The following EFCAB8 variants were observed in gnomAD, a reference collection of about 807,000 sequenced individuals.
The protein encoded by EFCAB8 is EF-hand calcium-binding domain-containing protein 8.
A neutral mutation model predicts 116.3 loss-of-function variants in EFCAB8; 100 were observed. The ratio of observed to expected loss-of-function variants is 0.86; its 90% CI spans 0.73 to 1.02. The LOEUF is 1.02. Ranked by LOEUF, EFCAB8 falls within the 50% of genes least tolerant of loss-of-function variation. The pLI, the probability that EFCAB8 is intolerant of heterozygous loss-of-function variation, is 0.00. For missense variants in EFCAB8, 1,320 were observed against 1,416.9 expected (o/e 0.93, Z 1.10); for synonymous variants, 558 against 567.9 (o/e 0.98, Z 0.25).
chr20:32,925,526 G>A (rs544707725), intron 20 of EFCAB8, among the ~76,000 whole-genome samples: 22 of 152,164 alleles, frequency 1.4e-4, no homozygotes, highest in African/African-American at 5.1e-4. Context: ...GCTAATTTTG[G>A]GTTTTTAGTG....
At chr20:32,948,472 A>T (rs1017895397) in intron 23 of EFCAB8, among the ~76,000 whole-genome samples, 2 of 151,636 alleles carry the variant, frequency 1.3e-5, no homozygotes, top group African/African-American at 4.8e-5. Flanking sequence ...TTCCCAACTC[A>T]TGAGGCAACT....
rs553218586 is a variant in EFCAB8 at position 32,893,399 on chromosome 20, T to C, written c.883+101T>C. The C allele has an allele frequency of 9.5e-6, 14 of 1,474,092 alleles. No homozygotes were observed. The East Asian group carries it at 2.7e-4, about 29-fold the overall frequency. The allele number at this position is 1,474,092 out of a possible 1,614,324, so 91.3% of individuals were successfully genotyped here. Reference sequence around the variant, plus strand: ...CGAGCCCCCCACTCCCTGCCTCTGCTCTGGAGTCTCTGGGAAGGCGTCTGC... The same window carrying C: ...CGAGCCCCCCACTCCCTGCCTCTGCCCTGGAGTCTCTGGGAAGGCGTCTGC... On this transcript the variant is annotated intron_variant, in intron 9 of 26. Coordinates refer to ENST00000400522, the MANE Select transcript of EFCAB8 (RefSeq NM_001143967.2).
intron 22 of EFCAB8, among the ~76,000 whole-genome samples, chr20:32,935,188 CT>C (rs754022404): frequency 0.011 from 720 of 66,852 alleles, 12 homozygotes; most frequent in South Asian, 0.016. Context: ...TTCTTTCTTT[CT>C]TTCTTTTTTT....
chr20:32,872,320 G>C (rs141076174), intron 3 of EFCAB8, among the ~76,000 whole-genome samples: 1 of 152,224 alleles, frequency 6.6e-6, no homozygotes, highest in East Asian at 1.9e-4. Context: ...GGGTGCATAA[G>C]GCACAGAGAA....
At chr20:32,885,317 TTGA>T (rs1284820094) in intron 5 of EFCAB8, among the ~76,000 whole-genome samples, 185 bp from the exon 6 acceptor site, 1 of 152,224 alleles carries the variant, frequency 6.6e-6, no homozygotes, top group Non-Finnish European at 1.5e-5. Flanking sequence ...TTGGCCACTG[TTGA>T]TGATCCAGTA....
At chr20:32,939,187 CTTTCTTTCTTTCTTTCCTCTCTCTCTCT>C (rs1988288413) in intron 22 of EFCAB8, among the ~76,000 whole-genome samples, 5 of 67,608 alleles carry the variant, frequency 7.4e-5, no homozygotes, top group Non-Finnish European at 1.4e-4. Flanking sequence ...TTCTTTCTTT[CTTTCTTTCTTTCTTTCCTCTCTCTCTCT>C]CTCTCTCTCT....
At chr20:32,938,359 G>C (rs1988203332) in intron 22 of EFCAB8, among the ~76,000 whole-genome samples, 1 of 149,858 alleles carries the variant, frequency 6.7e-6, no homozygotes, top group African/African-American at 2.5e-5. Flanking sequence ...AAAACTTCAT[G>C]TTGAAATATT....
At chr20:32,929,525 T>G in intron 20 of EFCAB8, among the ~76,000 whole-genome samples, 1 of 126,216 alleles carries the variant, frequency 7.9e-6, no homozygotes, top group Non-Finnish European at 1.7e-5. Context: ...TTTCTTTAAA[T>G]AGAGATAGGG....
chr20:32,917,389 C>A lies in EFCAB8; in HGVS notation c.1945C>A (p.Gln649Lys). The change falls in exon 18 of 27, where the codon CAG becomes AAG. Residue 649 changes from glutamine (Q) to lysine (K), a missense_variant. Coordinates refer to ENST00000400522, the MANE Select transcript of EFCAB8 (RefSeq NM_001143967.2). ...DILSMAKYRN[Q>K]FLGTSSYSGD... ...CCTGAGCATGGCCAAGTACCGGAAC[C>A]AGTTCCTTGGGACCTCCTCCTACAG... The A allele has an allele frequency of 6.4e-7, 1 of 1,551,902 alleles. No homozygotes were observed. The highest frequency in any genetic ancestry group is 8.7e-7 in the Non-Finnish European group (1 of 1,147,016).
intron 19 of EFCAB8, among the ~76,000 whole-genome samples, chr20:32,919,484 C>T (rs544276860): frequency 2.0e-5 from 3 of 151,776 alleles, no homozygotes; most frequent in South Asian, 2.1e-4. Context: ...GTATATTTGC[C>T]CCTCTATCCT....
chr20:32,866,381 A>G (rs761999236), intron 2 of EFCAB8, among the ~76,000 whole-genome samples: 8 of 152,106 alleles, frequency 5.3e-5, no homozygotes, highest in Non-Finnish European at 1.2e-4. Flanking sequence ...CAGGTCATCT[A>G]ATTATCCACG....
chr20:32,921,111 G>A (rs976023874), intron 20 of EFCAB8, among the ~76,000 whole-genome samples: 1 of 152,206 alleles, frequency 6.6e-6, no homozygotes, highest in African/African-American at 2.4e-5. Flanking sequence ...GAACAAGAGG[G>A]CAGTGCCCTG....
chr20:32,928,648 T>C (rs1174313055), intron 20 of EFCAB8, among the ~76,000 whole-genome samples: 2 of 152,212 alleles, frequency 1.3e-5, no homozygotes, highest in Non-Finnish European at 2.9e-5. Flanking sequence ...TAAGATAATA[T>C]CATCTGCAAA....
chr20:32,937,668 G>A (rs1220210728), intron 22 of EFCAB8, among the ~76,000 whole-genome samples: 1 of 151,936 alleles, frequency 6.6e-6, no homozygotes, highest in Non-Finnish European at 1.5e-5. Flanking sequence ...GCCCAGGCTG[G>A]AGTACAATGG....
In EFCAB8 at chr20:32,863,768, G is replaced by T. The variant is rs1600353548; in HGVS notation, c.-10-15G>T. 6.5e-7 allele frequency: 1 copy of T among 1,549,788 alleles called. No homozygotes were observed. Among genetic ancestry groups the T allele is most frequent in the Non-Finnish European group, 8.7e-7 (1 of 1,146,418 alleles). On this transcript the variant is annotated splice_polypyrimidine_tract_variant and intron_variant, in intron 1 of 26. Coordinates refer to ENST00000400522, the MANE Select transcript of EFCAB8 (RefSeq NM_001143967.2). ...CAACGACTGGAGTTAAGTTGACTAT[G>T]ATTCCCTATTCTAGGTCAAGGCTAA...
intron 23 of EFCAB8, among the ~76,000 whole-genome samples, chr20:32,946,336 A>G (rs543189104): frequency 1.3e-5 from 2 of 152,276 alleles, no homozygotes; most frequent in Non-Finnish European, 2.9e-5. Flanking sequence ...TCACTGAGCC[A>G]GGAGGAGGGA....
At chr20:32,953,418 A>C (rs1050995312) in intron 23 of EFCAB8, among the ~76,000 whole-genome samples, 1 of 152,232 alleles carries the variant, frequency 6.6e-6, no homozygotes, top group African/African-American at 2.4e-5. Flanking sequence ...TTTCCATAGC[A>C]CATGTACCAT....
At chr20:32,891,827 G>T (rs1028194782) in intron 7 of EFCAB8, among the ~76,000 whole-genome samples, 1 of 145,600 alleles carries the variant, frequency 6.9e-6, no homozygotes, top group African/African-American at 2.5e-5. Context: ...GAAGGAGTCA[G>T]TTTTTTTTTT....
rs759424788 is a variant in EFCAB8, at chr20:32,930,569, A to G, written c.2584A>G (p.Lys862Glu). The G allele has an allele frequency of 1.7e-5, 27 of 1,552,256 alleles. No individual in the cohort carries two copies. The South Asian group carries it at 3.0e-4, about 17-fold the overall frequency. The change falls in exon 21 of 27, where the codon AAA becomes GAA. Residue 862 changes from lysine (K) to glutamate (E), a missense_variant. By Grantham distance (56) the Lys-to-Glu change is moderately conservative (BLOSUM62 1). Transcript: ENST00000400522. ...DVVVGAMATD[K>E]NDWILITGDC... ...TGTCGTGGGTGCCATGGCCACTGAT[A>G]AAAATGACTGGATCCTCATCACGGG... is the stretch of plus-strand genomic sequence containing the variant.
Sources: allele counts gnomAD v4.1 joint callset (sites outside exome capture counted in the v4.1 genomes callset), GRCh38; gene constraint gnomAD v4.1.1; transcripts MANE v1.5; gene names NCBI Gene and HGNC (gene_info 2026-07-23, HGNC 2026-07-21).